Variants in MME observed in about 807,000 individuals in gnomAD.
MME encodes neprilysin.
A neutral mutation model predicts 113.2 loss-of-function variants in MME; 98 were observed. The observed-to-expected ratio is 0.87, with a 90% CI of 0.74 to 1.02. MME has a LOEUF of 1.02. Ranked by LOEUF, MME falls within the 50% of genes least tolerant of loss-of-function variation. The probability of loss-of-function intolerance (pLI) is 0.00; values close to 1 mark genes in which losing one functional copy is unlikely to be tolerated. For missense variants in MME, 836 were observed against 896.0 expected (o/e 0.93, Z 0.86); for synonymous variants, 292 against 300.6 (o/e 0.97, Z 0.30).
chr3:155,048,371 C>G (rs1433775566), intron 1 of MME, among the ~76,000 whole-genome samples: 1 of 152,114 alleles, frequency 6.6e-6, no homozygotes, highest in African/African-American at 2.4e-5. Context: ...TTGCTCTCTT[C>G]TACAATCTGT....
intron 16 of MME, among the ~76,000 whole-genome samples, chr3:155,159,291 C>A (rs1008813518): frequency 2.0e-5 from 3 of 152,098 alleles, no homozygotes; most frequent in African/African-American, 7.2e-5. Flanking sequence ...ACTGTACACC[C>A]CTTCTGTGAG....
At chr3:155,110,590 C>T (rs776073688) in intron 3 of MME, among the ~76,000 whole-genome samples, 6 of 152,056 alleles carry the variant, frequency 3.9e-5, no homozygotes, top group Non-Finnish European at 7.4e-5. Flanking sequence ...ATTATCAGCT[C>T]GAAACATTCA....
At chr3:155,095,725 A>G (rs1234312480) in intron 3 of MME, among the ~76,000 whole-genome samples, 2 of 151,972 alleles carry the variant, frequency 1.3e-5, no homozygotes, top group Admixed American at 1.3e-4. Flanking sequence ...GCTTCTAAAC[A>G]TTGAACACTA....
intron 3 of MME, among the ~76,000 whole-genome samples, chr3:155,094,445 T>C (rs1346642247): frequency 6.6e-6 from 1 of 152,234 alleles, no homozygotes; most frequent in African/African-American, 2.4e-5. Flanking sequence ...ATAGGATTCA[T>C]AGACATCTTA....
At chr3:155,176,797 A>T (rs1272568544) in intron 22 of MME, among the ~76,000 whole-genome samples, 3 of 152,156 alleles carry the variant, frequency 2.0e-5, no homozygotes, top group African/African-American at 7.2e-5. Context: ...CTACACTCCA[A>T]CCTGAGTGAC....
chr3:155,139,755 T>A (rs1434356716), intron 9 of MME, among the ~76,000 whole-genome samples: 1 of 152,200 alleles, frequency 6.6e-6, no homozygotes, highest in Non-Finnish European at 1.5e-5. Flanking sequence ...CTTGCACCTT[T>A]TTTTCCTTGC....
chr3:155,024,681 C>T (rs1410219800), intron 1 of MME, among the ~76,000 whole-genome samples: 1 of 152,118 alleles, frequency 6.6e-6, no homozygotes. Flanking sequence ...ACTTTTTGCA[C>T]TGATCTTGCC....
intron 2 of MME, among the ~76,000 whole-genome samples, chr3:155,084,675 G>A (rs999261445): frequency 1.3e-5 from 2 of 152,048 alleles, no homozygotes; most frequent in African/African-American, 4.8e-5. Context: ...ATTCTAAACG[G>A]CTTCACAGGA....
chr3:155,134,586 T>A (rs1484887193), intron 8 of MME, among the ~76,000 whole-genome samples: 1 of 152,200 alleles, frequency 6.6e-6, no homozygotes, highest in Non-Finnish European at 1.5e-5. Flanking sequence ...TTGTGAGTAG[T>A]GCTGTGATTA....
At chr3:155,159,200 G>A (rs1722531647) in intron 16 of MME, among the ~76,000 whole-genome samples, 1 of 151,994 alleles carries the variant, frequency 6.6e-6, no homozygotes, top group African/African-American at 2.4e-5. Flanking sequence ...AAGCAACATT[G>A]TAACTAAAGC....
Position 155,144,373 on chromosome 3 carries a change from T to C in MME, c.1332T>C (p.Ile444=), listed in dbSNP as rs139071507. 22 of 1,611,288 alleles carry C rather than the reference T, an allele frequency of 1.4e-5. No homozygotes were observed. In the African/African-American group the frequency reaches 2.7e-4, roughly 20 times the overall value. ...GESKHVVEDL[I]AQIREVFIQT... The stretch of plus-strand genomic sequence containing the variant: ...TCTGATTTGAGGTCGAGGATTTGAT[T>C]GCACAGATCCGAGAAGTTTTTATTC... The change falls in exon 14 of 23, where the codon ATT becomes ATC. Residue 444 remains isoleucine (I), a synonymous_variant. Transcript: ENST00000360490.
At chr3:155,027,276 G>A (rs1712818703) in intron 1 of MME, among the ~76,000 whole-genome samples, 1 of 151,526 alleles carries the variant, frequency 6.6e-6, no homozygotes, top group Non-Finnish European at 1.5e-5. Context: ...CTCTTCTCTT[G>A]TACGTAACAC....
chr3:155,176,761 G>T (rs930023096), intron 22 of MME, among the ~76,000 whole-genome samples: 6 of 152,158 alleles, frequency 3.9e-5, no homozygotes, highest in Non-Finnish European at 7.4e-5. Flanking sequence ...AGGAGGTCAA[G>T]GCTGCAGTGA....
chr3:155,145,929 G>A (rs1222380060), intron 14 of MME, among the ~76,000 whole-genome samples: 1 of 152,086 alleles, frequency 6.6e-6, no homozygotes, highest in Non-Finnish European at 1.5e-5. Context: ...TGATACATAT[G>A]AGGCCTGATC....
At chr3:155,142,625 GT>G (rs1721199846) in intron 12 of MME, among the ~76,000 whole-genome samples, 1 of 152,098 alleles carries the variant, frequency 6.6e-6, no homozygotes, top group Non-Finnish European at 1.5e-5. Flanking sequence ...TGTTGTTACT[GT>G]GTTAAAAGTA....
chr3:155,086,497 A>G (rs1204606634), intron 3 of MME, among the ~76,000 whole-genome samples: 3 of 152,216 alleles, frequency 2.0e-5, no homozygotes, highest in African/African-American at 2.4e-5. Context: ...GCTAAACTTA[A>G]GAAGAGGTTC....
At chr3:155,025,837 G>T (rs1712765234) in intron 1 of MME, among the ~76,000 whole-genome samples, 1 of 150,528 alleles carries the variant, frequency 6.6e-6, no homozygotes, top group Non-Finnish European at 1.5e-5. Flanking sequence ...TGGGATTACA[G>T]GTGCCCGCCA....
chr3:155,156,680 G>T (rs908373399), intron 16 of MME, among the ~76,000 whole-genome samples: 9 of 152,100 alleles, frequency 5.9e-5, no homozygotes, highest in African/African-American at 1.9e-4. Context: ...TAATTGTAAA[G>T]GATTAGAGTG....
intron 16 of MME, among the ~76,000 whole-genome samples, chr3:155,155,028 C>G (rs1256871781): frequency 6.6e-6 from 1 of 152,072 alleles, no homozygotes; most frequent in Admixed American, 6.6e-5. Context: ...TAGATTTTTA[C>G]GTTTTATGCT....
Sources: allele counts gnomAD v4.1 joint callset (sites outside exome capture counted in the v4.1 genomes callset), GRCh38; gene constraint gnomAD v4.1.1; transcripts MANE v1.5; gene names NCBI Gene and HGNC (gene_info 2026-07-23, HGNC 2026-07-21).